SLC22A23: variants seen among roughly 807,000 people sequenced by gnomAD.
SLC22A23 encodes the protein ion transporter protein.
A neutral mutation model predicts 61.0 loss-of-function variants in SLC22A23; 26 were observed. The observed-to-expected ratio is 0.43, with a 90% CI of 0.31 to 0.59. The LOEUF is 0.59. Among genes scored for constraint, SLC22A23 ranks in the 20% least tolerant of loss-of-function variants. The pLI is 0.11. For synonymous variants in SLC22A23, 430 were observed against 413.9 expected (o/e 1.04, Z -0.47); for missense variants, 796 against 934.7 (o/e 0.85, Z 1.94).
intron 1 of SLC22A23, among the ~76,000 whole-genome samples, chr6:3,435,200 A>G (rs753612243): frequency 1.3e-5 from 2 of 152,082 alleles, no homozygotes; most frequent in Admixed American, 6.6e-5. Context: ...AGAGAAGCCA[A>G]CTTCTCAGGG....
chr6:3,296,932 G>A (rs912424439), intron 5 of SLC22A23, among the ~76,000 whole-genome samples: 2 of 152,178 alleles, frequency 1.3e-5, no homozygotes, highest in Non-Finnish European at 1.5e-5. Context: ...CCTTCCCATC[G>A]TAAATGGATA....
Position 3,333,942 on chromosome 6 carries a change from C to T in SLC22A23, c.914-9940G>A, listed in dbSNP as rs907529247. On this transcript the variant is annotated intron_variant, in intron 3 of 9. Transcript: ENST00000406686. The surrounding 1 kb of genome is among the most constrained non-coding windows in gnomAD (Gnocchi z 4.1). The stretch of plus-strand genomic sequence containing the variant: ...TTAGCCACTGAATCCTCCTCATAAG[C>T]GGATGAGGTTGGGAATGGTGATGCT... 2.0e-5 allele frequency among the ~76,000 whole-genome samples: 3 copies of T among 152,216 alleles called. No individual in the cohort carries two copies. The highest frequency in any genetic ancestry group is 2.9e-5 in the Non-Finnish European group (2 of 68,038).
At chr6:3,285,902 A>G (rs1759950669) in intron 7 of SLC22A23, among the ~76,000 whole-genome samples, 1 of 152,096 alleles carries the variant, frequency 6.6e-6, no homozygotes, top group Non-Finnish European at 1.5e-5. Context: ...ATGTTCCCGC[A>G]GTGTCCTGAG....
In SLC22A23 at chr6:3,325,012, G is replaced by A. The variant is rs1352780088; in HGVS notation, c.914-1010C>T. 3.9e-5 allele frequency among the ~76,000 whole-genome samples: 6 copies of A among 152,192 alleles called. No individual in the cohort carries two copies. In the South Asian group the frequency reaches 6.2e-4, roughly 16 times the overall value. ...ATATATTATTTTCCCTACAGAGCAT[G>A]TACATTTATTTGTGATTCTCCGGCA... On this transcript the variant is annotated intron_variant, in intron 3 of 9. Transcript: ENST00000406686.
At chr6:3,368,306 C>T (rs1395236880) in intron 3 of SLC22A23, among the ~76,000 whole-genome samples, 3 of 152,184 alleles carry the variant, frequency 2.0e-5, no homozygotes, top group Non-Finnish European at 2.9e-5. Flanking sequence ...ATGCTCAACC[C>T]GAGCTGCTCC....
intron 3 of SLC22A23, among the ~76,000 whole-genome samples, chr6:3,389,630 C>CT (rs1561945387): frequency 1.3e-5 from 2 of 152,216 alleles, no homozygotes; most frequent in African/African-American, 4.8e-5. Context: ...TTCAGGCTCA[C>CT]TACAGTCACC....
At chr6:3,440,430 G>T (rs1445710763) in intron 1 of SLC22A23, among the ~76,000 whole-genome samples, 1 of 152,016 alleles carries the variant, frequency 6.6e-6, no homozygotes, top group African/African-American at 2.4e-5. Flanking sequence ...ATGAGTGGCC[G>T]GGTGCGGTGG....
chr6:3,447,886 C>CCT (rs201770341), intron 1 of SLC22A23, among the ~76,000 whole-genome samples: 1 of 123,140 alleles, frequency 8.1e-6, no homozygotes, highest in African/African-American at 3.4e-5. Context: ...CCATGCCTGG[C>CCT]CTCTCTCTCT....
At chr6:3,345,649 G>A (rs1020953603) in intron 3 of SLC22A23, among the ~76,000 whole-genome samples, 2 of 152,132 alleles carry the variant, frequency 1.3e-5, no homozygotes, top group Admixed American at 6.5e-5. Flanking sequence ...ACAGGTGTGA[G>A]CCACCACACC....
intron 1 of SLC22A23, chr6:3,439,202 C>T: frequency 2.7e-6 from 1 of 368,904 alleles, no homozygotes; most frequent in Non-Finnish European, 5.3e-6. Flanking sequence ...CACCAGGCGC[C>T]AGTAGCACCC....
intron 8 of SLC22A23, chr6:3,284,259 G>A (rs1277248603): frequency 2.9e-5 from 10 of 340,522 alleles, no homozygotes; most frequent in East Asian, 6.1e-5. Context: ...CTGGTGGGAG[G>A]GCAGGCTGGC....
chr6:3,305,778 C>T (rs931339864), intron 4 of SLC22A23, among the ~76,000 whole-genome samples: 3 of 152,292 alleles, frequency 2.0e-5, no homozygotes, highest in South Asian at 2.1e-4. Flanking sequence ...GGCCAAAAAG[C>T]GACCTTGAGG....
chr6:3,415,015 A>G (rs1402855913), intron 2 of SLC22A23, among the ~76,000 whole-genome samples: 1 of 152,122 alleles, frequency 6.6e-6, no homozygotes, highest in African/African-American at 2.4e-5. Flanking sequence ...TTTTACTTAC[A>G]CTTCTCTGCT....
chr6:3,443,413 A>G (rs547577045), intron 1 of SLC22A23, among the ~76,000 whole-genome samples: 1 of 152,262 alleles, frequency 6.6e-6, no homozygotes, highest in South Asian at 2.1e-4. Flanking sequence ...TCCCTGGGTG[A>G]TCTGGAGCTA....
At chr6:3,432,186 T>C in intron 1 of SLC22A23, 2 of 985,178 alleles carry the variant, frequency 2.0e-6, no homozygotes, top group Non-Finnish European at 2.4e-6. Flanking sequence ...CTCCTGCATC[T>C]GAGCCCAGTG....
chr6:3,380,995 T>C (rs115047269), intron 3 of SLC22A23, among the ~76,000 whole-genome samples: 2,036 of 152,270 alleles, frequency 0.013, 48 homozygotes, highest in African/African-American at 0.041. Flanking sequence ...GGAATCTGCC[T>C]AACCTCATGG....
intron 5 of SLC22A23, among the ~76,000 whole-genome samples, chr6:3,296,996 A>G (rs1445273658): frequency 6.6e-6 from 1 of 152,186 alleles, no homozygotes; most frequent in Non-Finnish European, 1.5e-5. Flanking sequence ...GTGCCCCTGG[A>G]GCAAAGCTTC....
chr6:3,285,831 G>A (rs111516892), intron 7 of SLC22A23, among the ~76,000 whole-genome samples: 82 of 152,292 alleles, frequency 5.4e-4, no homozygotes, highest in African/African-American at 1.5e-3. Context: ...CAGCCCTGGC[G>A]TCTAGTTCTG....
At chr6:3,307,117 T>G (rs1382494897) in intron 4 of SLC22A23, among the ~76,000 whole-genome samples, 1 of 152,202 alleles carries the variant, frequency 6.6e-6, no homozygotes, top group Admixed American at 6.5e-5. Flanking sequence ...GCAGACGGCA[T>G]ACGGCAGCGC....
Sources: gnomAD v4.1 joint callset for allele counts (sites outside exome capture counted in the v4.1 genomes callset) on GRCh38, gnomAD v4.1.1 for gene constraint, Gnocchi (gnomAD v3.1) non-coding constraint, MANE v1.5 for transcripts, NCBI Gene and HGNC (gene_info 2026-07-23, HGNC 2026-07-21) for gene names.